Variants in ZFAND3 observed in about 807,000 individuals in gnomAD.
The protein encoded by ZFAND3 is zinc finger AN1-type containing 3, also known as AN1-type zinc finger protein 3.
Under a neutral mutation model 29.6 loss-of-function variants are expected in ZFAND3, and 10 were observed. The ratio of observed to expected loss-of-function variants is 0.34; its 90% CI spans 0.21 to 0.57. The LOEUF (loss-of-function observed/expected upper bound fraction) is 0.57. Ranked by LOEUF, ZFAND3 falls within the 20% of genes least tolerant of loss-of-function variation. ZFAND3 has a pLI of 0.86. For synonymous variants in ZFAND3, 128 were observed against 112.6 expected (o/e 1.14, Z -0.87); for missense variants, 230 against 304.5 (o/e 0.76, Z 1.82).
chr6:38,033,851 T>A (rs1455607576), intron 2 of ZFAND3, among the ~76,000 whole-genome samples: 1 of 152,228 alleles, frequency 6.6e-6, no homozygotes, highest in Admixed American at 6.5e-5. Context: ...TTGTGACATT[T>A]ATTTAATGGC....
chr6:37,854,870 G>C (rs915965650), intron 1 of ZFAND3, among the ~76,000 whole-genome samples: 1 of 147,766 alleles, frequency 6.8e-6, no homozygotes, highest in Non-Finnish European at 1.5e-5. Flanking sequence ...TATGTCTTTG[G>C]TCTGAAAAGC....
chr6:37,989,903 G>A (rs1175450727), intron 2 of ZFAND3, among the ~76,000 whole-genome samples: 2 of 152,232 alleles, frequency 1.3e-5, no homozygotes, highest in Non-Finnish European at 2.9e-5. Flanking sequence ...CAGAGCCAGA[G>A]GCACAGTGCT....
At chr6:38,088,001 A>G (rs1266970139) in intron 4 of ZFAND3, among the ~76,000 whole-genome samples, 1 of 152,210 alleles carries the variant, frequency 6.6e-6, no homozygotes, top group African/African-American at 2.4e-5. Flanking sequence ...GAAGCTAAAG[A>G]GTGTTGGTAT....
intron 1 of ZFAND3, among the ~76,000 whole-genome samples, chr6:37,874,312 TC>T (rs1251269595): frequency 2.0e-5 from 3 of 152,078 alleles, no homozygotes; most frequent in Non-Finnish European, 4.4e-5. Flanking sequence ...GGTCGGGAGT[TC>T]GAGAACAGCC....
At chr6:38,041,469 A>G (rs1268189159) in intron 2 of ZFAND3, among the ~76,000 whole-genome samples, 1 of 151,638 alleles carries the variant, frequency 6.6e-6, no homozygotes, top group African/African-American at 2.4e-5. Flanking sequence ...AAATTATATC[A>G]TTATAAACCC....
rs188576859 is a variant in ZFAND3, at chr6:38,113,037, C to A, written c.362-3535C>A. On this transcript the variant is annotated intron_variant, in intron 4 of 5. Transcript: ENST00000287218. Reference sequence around the variant, plus strand: ...AGTTTTGGAAGCTTATTTACCCTCGCTCTTGGTGGCAGGGAGCATTAGAGA... The same window carrying A: ...AGTTTTGGAAGCTTATTTACCCTCGATCTTGGTGGCAGGGAGCATTAGAGA... Among the ~76,000 whole-genome samples the A allele has an allele frequency of 1.1e-4, 16 of 152,272 alleles. No individual in the cohort carries two copies. The South Asian group carries it at 1.2e-3, about 12-fold the overall frequency.
intron 4 of ZFAND3, among the ~76,000 whole-genome samples, chr6:38,105,399 A>G (rs1765187931): frequency 6.6e-6 from 1 of 152,160 alleles, no homozygotes; most frequent in Non-Finnish European, 1.5e-5. Flanking sequence ...AGCAAGACCC[A>G]GTCTATTAAA....
intron 1 of ZFAND3, among the ~76,000 whole-genome samples, chr6:37,923,747 T>C (rs971242021): frequency 2.6e-5 from 4 of 152,178 alleles, no homozygotes; most frequent in Non-Finnish European, 5.9e-5. Context: ...GGCTGCATAA[T>C]AATCTTATGG....
chr6:38,028,191 G>A (rs952347897), intron 2 of ZFAND3, among the ~76,000 whole-genome samples: 9 of 152,156 alleles, frequency 5.9e-5, no homozygotes, highest in Non-Finnish European at 2.9e-5. Context: ...TGTAGTTTGT[G>A]CCTCATATTG....
chr6:38,029,074 C>G (rs1763500999), intron 2 of ZFAND3, among the ~76,000 whole-genome samples: 1 of 152,138 alleles, frequency 6.6e-6, no homozygotes, highest in Non-Finnish European at 1.5e-5. Context: ...AATATTCAGT[C>G]TTGGGCATGC....
chr6:37,933,348 G>A (rs780551023), intron 2 of ZFAND3, among the ~76,000 whole-genome samples: 7 of 152,112 alleles, frequency 4.6e-5, no homozygotes, highest in Non-Finnish European at 7.4e-5. Context: ...AAGTCTTACC[G>A]AGAGAATACG....
At chr6:38,124,794 C>G (rs1479348275) in intron 5 of ZFAND3, among the ~76,000 whole-genome samples, 2 of 152,246 alleles carry the variant, frequency 1.3e-5, no homozygotes, top group Admixed American at 6.5e-5. Flanking sequence ...GAAGGGCTCC[C>G]TGAGCATGGC....
chr6:38,129,830 G>A (rs1294589686), intron 5 of ZFAND3, among the ~76,000 whole-genome samples: 3 of 151,430 alleles, frequency 2.0e-5, no homozygotes, highest in South Asian at 2.1e-4. Context: ...GTGAATTTTA[G>A]GATTGTTTTT....
chr6:38,146,159 A>G (rs1185585676), intron 5 of ZFAND3, among the ~76,000 whole-genome samples: 2 of 129,542 alleles, frequency 1.5e-5, no homozygotes, highest in African/African-American at 5.9e-5. Flanking sequence ...TTCCTGTTCC[A>G]TGTGCCCCCT....
intron 2 of ZFAND3, among the ~76,000 whole-genome samples, chr6:38,020,854 C>T (rs1036680707): frequency 6.6e-6 from 1 of 152,166 alleles, no homozygotes; most frequent in Non-Finnish European, 1.5e-5. Flanking sequence ...AGCAGGTTTA[C>T]ATAGCTACTC....
chr6:37,958,414 A>G (rs987641679), intron 2 of ZFAND3, among the ~76,000 whole-genome samples: 2 of 149,716 alleles, frequency 1.3e-5, no homozygotes, highest in Non-Finnish European at 1.5e-5. Context: ...AGATTGTGCC[A>G]CTGCACTTCA....
intron 2 of ZFAND3, among the ~76,000 whole-genome samples, chr6:37,996,228 A>G (rs1762847636): frequency 6.6e-6 from 1 of 152,222 alleles, no homozygotes; most frequent in Non-Finnish European, 1.5e-5. Context: ...CACCAGACAA[A>G]TAATGAACAC....
intron 1 of ZFAND3, among the ~76,000 whole-genome samples, chr6:37,882,336 G>A (rs1036090018): frequency 6.6e-6 from 1 of 152,154 alleles, no homozygotes; most frequent in African/African-American, 2.4e-5. Context: ...GGGGGCAGTA[G>A]TCAAATCAGA....
At chr6:38,079,030 C>A (rs1410351121) in intron 3 of ZFAND3, among the ~76,000 whole-genome samples, 1 of 152,162 alleles carries the variant, frequency 6.6e-6, no homozygotes, top group African/African-American at 2.4e-5. Flanking sequence ...AAAACATTTT[C>A]TGTGAGTGGC....
Sources: gnomAD v4.1 joint callset for allele counts (sites outside exome capture counted in the v4.1 genomes callset) on GRCh38, gnomAD v4.1.1 for gene constraint, MANE v1.5 for transcripts, NCBI Gene and HGNC (gene_info 2026-07-23, HGNC 2026-07-21) for gene names.